The following CDYL variants were observed in gnomAD, a reference collection of about 807,000 sequenced individuals.
CDYL encodes the protein chromodomain Y like.
A neutral mutation model predicts 47.3 loss-of-function variants in CDYL; 8 were observed. The ratio of observed to expected loss-of-function variants is 0.17; its 90% confidence interval spans 0.10 to 0.31. The LOEUF (loss-of-function observed/expected upper bound fraction) is 0.31, where lower values mean the gene tolerates loss of function less well. Among genes scored for constraint, CDYL ranks in the 10% least tolerant of loss-of-function variants. The pLI is 1.00. For missense variants in CDYL, 471 were observed against 701.4 expected, an observed-to-expected ratio of 0.67 and a Z score of 3.71; for synonymous variants, 266 against 265.0, an observed-to-expected ratio of 1.00 and a Z score of -0.04.
intron 1 of CDYL, chr6:4,714,988 C>T (rs1024058397): frequency 6.6e-6 from 1 of 152,186 alleles, no homozygotes; most frequent in South Asian, 2.1e-4. Context: ...AAGGAAATGA[C>T]CTCAGTTGTT....
At chr6:4,785,677 G>A (rs574622208) in intron 1 of CDYL, among the ~76,000 whole-genome samples, 26 of 152,312 alleles carry the variant, frequency 1.7e-4, no homozygotes, top group African/African-American at 5.8e-4. Flanking sequence ...ATCTTAGTTT[G>A]CAAAAAGATG....
intron 2 of CDYL, among the ~76,000 whole-genome samples, chr6:4,929,493 T>TACACACACACACACACACACAC (rs71540836): frequency 1.3e-4 from 19 of 144,038 alleles, no homozygotes; most frequent in East Asian, 6.1e-4. Context: ...ATGTTTTACT[T>TACACACACACACACACACACAC]ACACACACAC....
intron 2 of CDYL, among the ~76,000 whole-genome samples, chr6:4,720,085 A>G (rs999688093): frequency 4.6e-5 from 7 of 152,230 alleles, no homozygotes; most frequent in African/African-American, 1.4e-4. Context: ...TGCAAAGTGC[A>G]TATGTGGGTA....
At chr6:4,758,351 A>AAAAAATATATATATATATATATATATAT (rs1554134098) in intron 3 of CDYL, among the ~76,000 whole-genome samples, 25 of 129,082 alleles carry the variant, frequency 1.9e-4, no homozygotes, top group African/African-American at 7.3e-4. Context: ...AAAATAAATA[A>AAAAAATATATATATATATATATATATAT]ATATATATAT....
At chr6:4,886,241 T>C (rs1761896353) in intron 1 of CDYL, among the ~76,000 whole-genome samples, 1 of 152,200 alleles carries the variant, frequency 6.6e-6, no homozygotes. Context: ...AGGTTTTCTT[T>C]CTGTTGGGTA....
At chr6:4,795,522 G>T (rs1759046468) in intron 1 of CDYL, among the ~76,000 whole-genome samples, 2 of 152,002 alleles carry the variant, frequency 1.3e-5, no homozygotes, top group Non-Finnish European at 2.9e-5. Flanking sequence ...AGGATGGAAG[G>T]TGAACTATTT....
intron 1 of CDYL, among the ~76,000 whole-genome samples, chr6:4,834,779 AT>A (rs989230185): frequency 8.1e-4 from 122 of 149,838 alleles, no homozygotes; most frequent in African/African-American, 2.7e-3. Flanking sequence ...ATTTCTTTTT[AT>A]TTTTTTTTCT....
Position 4,892,010 on chromosome 6 carries a change from A to C in CDYL, c.322A>C (p.Lys108Gln). 1.9e-6 allele frequency: 3 copies of C among 1,614,188 alleles called. No individual in the cohort carries two copies. Among genetic ancestry groups the C allele is most frequent in the Non-Finnish European group, 2.5e-6 (3 of 1,180,020 alleles). Residue 108 changes from lysine to glutamine, a missense_variant, in exon 2 of 7, where the codon AAA becomes CAA. Transcript: ENST00000397588. The part of the protein sequence containing the change: ...ALVIGKDHES[K>Q]NSQLFAASQK... ...CGTGATTGGGAAAGACCACGAATCCAAAAACAGCCAGCTGTTTGCTGCCAG... is the reference window on the plus strand; with the variant it reads ...CGTGATTGGGAAAGACCACGAATCCCAAAACAGCCAGCTGTTTGCTGCCAG...
chr6:4,912,684 A>G (rs919687402), intron 2 of CDYL, among the ~76,000 whole-genome samples: 1 of 152,228 alleles, frequency 6.6e-6, no homozygotes, highest in Non-Finnish European at 1.5e-5. Context: ...TTGAAGTGAT[A>G]GATGCTGAGG....
At position 4,882,722 on chromosome 6, in the gene CDYL, C is replaced by T. The variant is rs550350676; in HGVS notation, c.25-8991C>T. Reference sequence around the variant, plus strand: ...AGGCTTAATTATTTTTGTAGTGGACCCTGGCAGCTTTAGGGATGTGCAGCC... The same window carrying T: ...AGGCTTAATTATTTTTGTAGTGGACTCTGGCAGCTTTAGGGATGTGCAGCC... On this transcript the variant is annotated intron_variant, in intron 1 of 6. Transcript: ENST00000397588. Among the ~76,000 whole-genome samples, 5 of 152,212 alleles carry T rather than the reference C, an allele frequency of 3.3e-5. No homozygotes were observed. In the South Asian group the frequency reaches 8.3e-4, roughly 25 times the overall value.
intron 1 of CDYL, among the ~76,000 whole-genome samples, chr6:4,787,836 G>C (rs562061115): frequency 7.6e-6 from 1 of 132,450 alleles, no homozygotes; most frequent in African/African-American, 2.8e-5. Context: ...GCAATGGCAC[G>C]ATCTCGGCTC....
intron 2 of CDYL, among the ~76,000 whole-genome samples, chr6:4,720,814 G>A (rs942483133): frequency 1.3e-5 from 2 of 152,130 alleles, no homozygotes; most frequent in African/African-American, 4.8e-5. Context: ...AAAGCATTCG[G>A]ATCATGGTCG....
intron 3 of CDYL, among the ~76,000 whole-genome samples, chr6:4,740,796 T>TC (rs1757783336): frequency 6.6e-6 from 1 of 151,896 alleles, no homozygotes; most frequent in East Asian, 1.9e-4. Flanking sequence ...AATCTTTTTT[T>TC]TTTTTTTTGA....
intron 1 of CDYL, among the ~76,000 whole-genome samples, chr6:4,708,549 C>G (rs4959316): frequency 0.2 from 30,793 of 152,076 alleles, 3,961 homozygotes; most frequent in East Asian, 0.33. Context: ...TTCTATGTAT[C>G]TGATATAGCT....
chr6:4,874,603 T>C (rs1330806378), intron 1 of CDYL, among the ~76,000 whole-genome samples: 2 of 152,214 alleles, frequency 1.3e-5, no homozygotes, highest in East Asian at 3.9e-4. Flanking sequence ...TTACGTACAG[T>C]ATGTGCACAA....
chr6:4,716,223 T>C (rs1200211489), intron 2 of CDYL, among the ~76,000 whole-genome samples: 3 of 148,830 alleles, frequency 2.0e-5, no homozygotes. Context: ...TACTCCAGCC[T>C]GGGTGACAGC....
intron 1 of CDYL, among the ~76,000 whole-genome samples, chr6:4,798,115 A>C (rs746214682): frequency 6.6e-6 from 1 of 151,900 alleles, no homozygotes; most frequent in Non-Finnish European, 1.5e-5. Flanking sequence ...TAGGACTGTA[A>C]GTGTGTGCCA....
chr6:4,725,204 C>T (rs929823295), intron 2 of CDYL, among the ~76,000 whole-genome samples: 3 of 152,228 alleles, frequency 2.0e-5, no homozygotes, highest in African/African-American at 7.2e-5. Context: ...TATTTACAAT[C>T]CCTTAGCTAG....
At chr6:4,749,283 GGATGGATGGATGGATGGATGGATA>G (rs1299653680) in intron 3 of CDYL, among the ~76,000 whole-genome samples, 2 of 132,634 alleles carry the variant, frequency 1.5e-5, no homozygotes, top group African/African-American at 2.8e-5. Context: ...GGGTTTTGTT[GGATGGATGGATGGATGGATGGATA>G]GATGGATGGA....
Sources: gnomAD v4.1 joint callset for allele counts (sites outside exome capture counted in the v4.1 genomes callset) on GRCh38, gnomAD v4.1.1 for gene constraint, MANE v1.5 for transcripts, NCBI Gene and HGNC (gene_info 2026-07-23, HGNC 2026-07-21) for gene names.